Variants in USP19 observed in about 807,000 individuals in gnomAD.
USP19 encodes ubiquitin specific peptidase 19, also known as ubiquitin carboxyl-terminal hydrolase 19.
Under a neutral mutation model 144.8 loss-of-function variants are expected in USP19, and 40 were observed. The ratio of observed to expected loss-of-function variants is 0.28; its 90% CI spans 0.21 to 0.36. USP19 has a LOEUF of 0.36. Ranked by LOEUF, USP19 falls within the 10% of genes least tolerant of loss-of-function variation. USP19 has a pLI of 1.00. For missense variants in USP19, 1,518 were observed against 1,822.5 expected, an observed-to-expected ratio of 0.83 and a Z score of 3.04; for synonymous variants, 701 against 709.3, an observed-to-expected ratio of 0.99 and a Z score of 0.19.
At chr3:49,120,178 T>C (rs1239153327) in intron 1 of USP19, among the ~76,000 whole-genome samples, 1 of 152,188 alleles carries the variant, frequency 6.6e-6, no homozygotes, top group Non-Finnish European at 1.5e-5. Context: ...GATCCAGGAC[T>C]CCTGGCAGCC....
At chr3:49,113,683 C>T (rs534513923) in intron 17 of USP19, among the ~76,000 whole-genome samples, 9 of 152,286 alleles carry the variant, frequency 5.9e-5, no homozygotes, top group African/African-American at 2.2e-4. Context: ...CTGCAACCTC[C>T]ACATCCCGGG....
Position 49,108,462 on chromosome 3 carries a change from G to A in USP19, c.4105C>T (p.Pro1369Ser), listed in dbSNP as rs200833787. Residue 1369 changes from proline (P) to serine (S), a missense_variant, in exon 27 of 27, where the codon CCT becomes TCT. Pro to Ser is a moderately conservative substitution (Grantham distance 74). This residue lies in a region of USP19 where 118 missense variants were observed against 100.2 expected (regional missense o/e 1.18). Coordinates refer to ENST00000417901, the MANE Select transcript of USP19 (RefSeq NM_001199161.2). The surrounding 1 kb of genome is among the most constrained non-coding windows in gnomAD (Gnocchi z 4.8). The stretch of plus-strand genomic sequence containing the variant: ...TAGGTGGGGGCTGGCCGATCCACAG[G>A]GGGGGCGAAGCGTTCAGGGGCTGTC... ...TRTAPERFAP[P>S]VDRPAPTYSN... The A allele has an allele frequency of 1.2e-5, 16 of 1,355,784 alleles. No individual in the cohort carries two copies. Among genetic ancestry groups the A allele is most frequent in the African/African-American group, 3.1e-5 (2 of 65,356 alleles). 84.0% of individuals were successfully genotyped at this position (1,355,784 alleles called of 1,614,324 possible).
Position 49,116,789 on chromosome 3 carries a change from C to T in USP19, c.1064G>A (p.Gly355Glu). The stretch of plus-strand genomic sequence containing the variant: ...CTCCTCCTTGGCACAGTCATCTTTC[C>T]CAGGGTTTCTGCTCCGGACCATGGC... Reference protein sequence around the residue: ...SPAMVRSRNPGKDDCAKEEMA... With the variant: ...SPAMVRSRNPEKDDCAKEEMA... Residue 355 changes from glycine (G) to glutamate (E), a missense_variant, in exon 7 of 27, where the codon GGG (glycine) becomes GAG (glutamate). Physicochemically the swap from Gly to Glu is moderately conservative, Grantham distance 98. This residue lies in a region of USP19 where 707 missense variants were observed against 728.9 expected (regional missense o/e 0.97). Transcript: ENST00000417901. The surrounding 1 kb of genome is among the most constrained non-coding windows in gnomAD (Gnocchi z 5.0). 6.2e-7 allele frequency: 1 copy of T among 1,614,064 alleles called. No homozygotes were observed.
Position 49,108,464 on chromosome 3 carries a change from G to T in USP19, c.4103C>A (p.Pro1368His). 1.5e-6 allele frequency: 2 copies of T among 1,352,732 alleles called. No individual in the cohort carries two copies. Among genetic ancestry groups the T allele is most frequent in the East Asian group, 3.1e-5 (1 of 32,054 alleles). 83.8% of individuals were successfully genotyped at this position (1,352,732 alleles called of 1,614,324 possible). ...PTRTAPERFA[P>H]PVDRPAPTYS... is the part of the protein sequence containing the mutation. ...GGTGGGGGCTGGCCGATCCACAGGG[G>T]GGGCGAAGCGTTCAGGGGCTGTCCG... Residue 1368 changes from proline to histidine, a missense_variant, in exon 27 of 27, where the codon CCC (proline) becomes CAC (histidine). Pro to His is a moderately conservative substitution (Grantham distance 77). This residue lies in a region of USP19 where 118 missense variants were observed against 100.2 expected (regional missense o/e 1.18). Transcript: ENST00000417901. The surrounding 1 kb of genome is among the most constrained non-coding windows in gnomAD (Gnocchi z 4.8).
Position 49,119,293 on chromosome 3 carries a change from A to C in USP19, c.-136-12T>G. The C allele has an allele frequency of 2.6e-6, 3 of 1,136,146 alleles. No homozygotes were observed. The highest frequency in any genetic ancestry group is 3.6e-6 in the Non-Finnish European group (3 of 825,350). The allele number at this position is 1,136,146 out of a possible 1,614,324, so 70.4% of individuals were successfully genotyped here. On this transcript the variant is annotated splice_polypyrimidine_tract_variant and intron_variant, in intron 1 of 26. Coordinates refer to ENST00000417901, the MANE Select transcript of USP19 (RefSeq NM_001199161.2). ...AAGGAACGGACAGCCTAATGGAAAG[A>C]AGCCAGTGATCACTGCCAAGACCCA...
chr3:49,120,696 C>CCG (rs2045101303), intron 1 of USP19, 60 bp downstream of exon 1: 1 of 188,216 alleles, frequency 5.3e-6, no homozygotes, highest in Admixed American at 5.8e-5. Flanking sequence ...GCCGCCGCGG[C>CCG]CGCGCGTTGC....
At chr3:49,109,688 C>CCATGTCTCT (rs1433146331) in intron 26 of USP19, among the ~76,000 whole-genome samples, 1 of 152,218 alleles carries the variant, frequency 6.6e-6, no homozygotes, top group African/African-American at 2.4e-5. Context: ...CTATGGCACA[C>CCATGTCTCT]CATGTCACTA....
At position 49,108,593 on chromosome 3, in the gene USP19, GCTGGCTTGGAGCCCTGGCACCCAA is replaced by G; in HGVS notation, c.4039-89_4039-66del. The G allele has an allele frequency of 1.6e-6, 2 of 1,260,968 alleles. No individual in the cohort carries two copies. The highest frequency in any genetic ancestry group is 2.0e-6 in the Non-Finnish European group (2 of 993,962). The allele number at this position is 1,260,968 out of a possible 1,614,324, so 78.1% of individuals were successfully genotyped here. On this transcript the variant is annotated intron_variant, in intron 26 of 26. Coordinates refer to ENST00000417901, the MANE Select transcript of USP19 (RefSeq NM_001199161.2). The surrounding 1 kb of genome is among the most constrained non-coding windows in gnomAD (Gnocchi z 4.8). ...GCATGCCGCCTGGCATCCCGGGGGT[GCTGGCTTGGAGCCCTGGCACCCAA>G]GGGAGGGTCCCAAGGCAGGCGCAGA...
In USP19 at chr3:49,112,940, C is replaced by T. The variant is rs2043407694; in HGVS notation, c.2506-311G>A. 6.6e-6 allele frequency among the ~76,000 whole-genome samples: 1 copy of T among 152,164 alleles called. No homozygotes were observed. Among genetic ancestry groups the T allele is most frequent in the Non-Finnish European group, 1.5e-5 (1 of 68,028 alleles). On this transcript the variant is annotated intron_variant, in intron 17 of 26. Coordinates refer to ENST00000417901, the MANE Select transcript of USP19 (RefSeq NM_001199161.2). The surrounding 1 kb of genome is among the most constrained non-coding windows in gnomAD (Gnocchi z 4.9). Reference sequence around the variant, plus strand: ...ACTGTAACATATTATCATGGAGGGTCCACATTCAAAGAGCCTCCTCCCCAC... The same window carrying T: ...ACTGTAACATATTATCATGGAGGGTTCACATTCAAAGAGCCTCCTCCCCAC...
chr3:49,110,785 C>A lies in USP19; in HGVS notation c.3624G>T (p.Val1208=), dbSNP rs762246359. 5.0e-5 allele frequency: 80 copies of A among 1,614,094 alleles called. No individual in the cohort carries two copies. In the East Asian group the frequency reaches 1.7e-3, roughly 35 times the overall value. The change falls in exon 24 of 27, where the codon GTG becomes GTT. Residue 1208 remains valine (V), a synonymous_variant. Transcript: ENST00000417901. The surrounding 1 kb of genome is among the most constrained non-coding windows in gnomAD (Gnocchi z 6.1). The part of the protein sequence containing the change: ...LLWRLPNVLI[V]QLKRFSFRSF... ...TACGAAAGGAGAAGCGCTTGAGCTG[C>A]ACGATGAGAACATTTGGCAGGCGCC...
At position 49,112,433 on chromosome 3, in the gene USP19, A is replaced by G; in HGVS notation, c.2647-31T>C. ...GTGGGTCGTCTGGCTCAGCAAGACC[A>G]GGAAGAAGTGCCCCACCCACCAGGG... On this transcript the variant is annotated intron_variant, in intron 18 of 26. Transcript: ENST00000417901. This position sits in a 1 kb window ranked among gnomAD's most constrained non-coding sequence, Gnocchi z 4.9. 6.2e-7 allele frequency: 1 copy of G among 1,613,944 alleles called. No individual in the cohort carries two copies. Among genetic ancestry groups the G allele is most frequent in the Non-Finnish European group, 8.5e-7 (1 of 1,179,910 alleles).
Position 49,108,335 on chromosome 3 carries a change from G to C in USP19, c.*77C>G. On this transcript the variant is annotated 3_prime_UTR_variant, in exon 27 of 27. Coordinates refer to ENST00000417901, the MANE Select transcript of USP19 (RefSeq NM_001199161.2). The surrounding 1 kb of genome is among the most constrained non-coding windows in gnomAD (Gnocchi z 4.8). ...GACAGAGCCAGTGTCCTCTGGGTTA[G>C]AGAAGGAGAAGCGGCAAGGAGCTGG... 4.3e-6 allele frequency: 2 copies of C among 467,956 alleles called. No homozygotes were observed. The highest frequency in any genetic ancestry group is 5.0e-5 in the East Asian group (1 of 19,936). The allele number at this position is 467,956 out of a possible 1,614,324, so 29.0% of individuals were successfully genotyped here. A position where few individuals can be genotyped will look rare whatever the true frequency, so the allele number is the denominator to read the frequency against.
chr3:49,114,434 C>T lies in USP19; in HGVS notation c.2293-150G>A. 1 of 702,794 alleles carries T rather than the reference C, an allele frequency of 1.4e-6. No individual in the cohort carries two copies. The highest frequency in any genetic ancestry group is 1.9e-5 in the South Asian group (1 of 53,814). 43.5% of individuals were successfully genotyped at this position (702,794 alleles called of 1,614,324 possible). A position where few individuals can be genotyped will look rare whatever the true frequency, so the allele number is the denominator to read the frequency against. The stretch of plus-strand genomic sequence containing the variant: ...TCAGGCTTCAGGACACTAGACAGGG[C>T]AGGAGGACCACCAGGAAATAACAAT... On this transcript the variant is annotated intron_variant, in intron 15 of 26. Transcript: ENST00000417901. The surrounding 1 kb of genome is among the most constrained non-coding windows in gnomAD (Gnocchi z 4.5).
chr3:49,112,085 C>A lies in USP19; in HGVS notation c.2766-37G>T. The A allele has an allele frequency of 6.2e-7, 1 of 1,609,338 alleles. No homozygotes were observed. On this transcript the variant is annotated intron_variant, in intron 19 of 26. Coordinates refer to ENST00000417901, the MANE Select transcript of USP19 (RefSeq NM_001199161.2). This position sits in a 1 kb window ranked among gnomAD's most constrained non-coding sequence, Gnocchi z 4.9. ...AGGAAGACAAGGATAGGCCCTTAGC[C>A]CCATCTCCTATGACTCCATACTGGG... is the stretch of plus-strand genomic sequence containing the variant.
At position 49,117,909 on chromosome 3, in the gene USP19, C is replaced by T; in HGVS notation, c.298+38G>A. 1 of 1,613,160 alleles carries T rather than the reference C, an allele frequency of 6.2e-7. No individual in the cohort carries two copies. On this transcript the variant is annotated intron_variant, in intron 3 of 26. Transcript: ENST00000417901. The surrounding 1 kb of genome is among the most constrained non-coding windows in gnomAD (Gnocchi z 4.4). ...GGGAGCCAAATTGCAAGTGCCCCCT[C>T]CCCTTCCCTAGCAACAAAAAGCCCA...
Position 49,116,503 on chromosome 3 carries a change from T to G in USP19, c.1231A>C (p.Thr411Pro). 1 of 1,614,222 alleles carries G rather than the reference T, an allele frequency of 6.2e-7. No individual in the cohort carries two copies. Among genetic ancestry groups the G allele is most frequent in the Non-Finnish European group, 8.5e-7 (1 of 1,180,042 alleles). Residue 411 changes from threonine to proline, a missense_variant, in exon 8 of 27, where the codon ACC becomes CCC. Around this residue, in one of 5 missense-constraint regions of USP19, gnomAD observed 707 missense variants for 728.9 expected, o/e 0.97. Coordinates refer to ENST00000417901, the MANE Select transcript of USP19 (RefSeq NM_001199161.2). The surrounding 1 kb of genome is among the most constrained non-coding windows in gnomAD (Gnocchi z 5.0). ...TGCTCACGGAAAAGTACTCTTGAGG[T>G]GTCCCTGCAGATCTCCTTCACGTAC... is the stretch of plus-strand genomic sequence containing the variant. Reference protein sequence around the residue: ...HVYVKEICRDTSRVLFREQDF... With the variant: ...HVYVKEICRDPSRVLFREQDF...
In USP19 at chr3:49,115,255, G is replaced by A; in HGVS notation, c.1995C>T (p.His665=). 1 of 1,614,056 alleles carries A rather than the reference G, an allele frequency of 6.2e-7. No individual in the cohort carries two copies. Among genetic ancestry groups the A allele is most frequent in the Non-Finnish European group, 8.5e-7 (1 of 1,180,012 alleles). Residue 665 remains histidine, a synonymous_variant, in exon 13 of 27, where the codon CAC becomes CAT. Transcript: ENST00000417901. This position sits in a 1 kb window ranked among gnomAD's most constrained non-coding sequence, Gnocchi z 6.6. The part of the protein sequence containing the change: ...VLLRALWKGT[H]HAFQPSKLKA... ...TCAACTTGGAAGGCTGGAAGGCATGGTGGGTGCCCTTCCACAGCGCCCGAA... is the reference window on the plus strand; with the variant it reads ...TCAACTTGGAAGGCTGGAAGGCATGATGGGTGCCCTTCCACAGCGCCCGAA...
rs1219716931 is a variant in USP19, at chr3:49,116,436, C to A, written c.1283+15G>T. ...CCACCTGAGGCATTGTTTGCCCCATCATCTACCCACCCACCTGGTCTGGAA... is the reference window on the plus strand; with the variant it reads ...CCACCTGAGGCATTGTTTGCCCCATAATCTACCCACCCACCTGGTCTGGAA... On this transcript the variant is annotated intron_variant, in intron 8 of 26. Transcript: ENST00000417901. The surrounding 1 kb of genome is among the most constrained non-coding windows in gnomAD (Gnocchi z 5.0). 3 of 1,614,106 alleles carry A rather than the reference C, an allele frequency of 1.9e-6. No homozygotes were observed. Among genetic ancestry groups the A allele is most frequent in the South Asian group, 2.2e-5 (2 of 91,084 alleles).
At chr3:49,113,513 T>C (rs1560010651) in intron 17 of USP19, among the ~76,000 whole-genome samples, 1 of 152,126 alleles carries the variant, frequency 6.6e-6, no homozygotes, top group Admixed American at 6.5e-5. Context: ...CTCCTGACCT[T>C]GTGATCCATC....
Sources: gnomAD v4.1 joint callset for allele counts (sites outside exome capture counted in the v4.1 genomes callset) on GRCh38, gnomAD v4.1.1 for gene constraint, gnomAD v4.1.1 regional missense constraint, Gnocchi (gnomAD v3.1) non-coding constraint, MANE v1.5 for transcripts, NCBI Gene and HGNC (gene_info 2026-07-23, HGNC 2026-07-21) for gene names.